GSC: variants seen among roughly 807,000 people sequenced by gnomAD.
GSC encodes the protein goosecoid homeobox, also known as homeobox protein goosecoid.
Under a neutral mutation model 24.5 loss-of-function variants are expected in GSC, and 13 were observed. That is an observed-to-expected ratio of 0.53 (90% CI 0.35 to 0.84). The LOEUF (loss-of-function observed/expected upper bound fraction) is 0.84. Ranked by LOEUF, GSC falls within the 40% of genes least tolerant of loss-of-function variation. GSC has a pLI of 0.01. For synonymous variants in GSC, 199 were observed against 182.1 expected (o/e 1.09, Z -0.75); for missense variants, 382 against 384.2 (o/e 0.99, Z 0.05).
Position 94,768,452 on chromosome 14 carries a change from C to T in GSC, c.*39G>A. 6.2e-7 allele frequency: 1 copy of T among 1,613,130 alleles called. No homozygotes were observed. The highest frequency in any genetic ancestry group is 8.5e-7 in the Non-Finnish European group (1 of 1,179,136). The stretch of plus-strand genomic sequence containing the variant: ...GCATCGTCTGTCTGTGCAAGTCCTT[C>T]GAGTTAGGTAAGTAATACGGGCAAG... On this transcript the variant is annotated 3_prime_UTR_variant, in exon 3 of 3. Transcript: ENST00000238558.
chr14:94,769,815 C>T lies in GSC; in HGVS notation c.201G>A (p.Ala67=). The T allele has an allele frequency of 7.1e-7, 1 of 1,412,674 alleles. No individual in the cohort carries two copies. Among genetic ancestry groups the T allele is most frequent in the Non-Finnish European group, 9.1e-7 (1 of 1,095,800 alleles). The allele number at this position is 1,412,674 out of a possible 1,614,324, so 87.5% of individuals were successfully genotyped here. A position where few individuals can be genotyped will look rare whatever the true frequency, so the allele number is the denominator to read the frequency against. ...FYPRPVAPGG[A]GLPAAVSGSR... ...AGCCGCTGACCGCGGCCGGGAGGCC[C>T]GCGCCGCCGGGGGCCACGGGGCGCG... Residue 67 remains alanine (A), a synonymous_variant, in exon 1 of 3, where the codon GCG becomes GCA. Coordinates refer to ENST00000238558, the MANE Select transcript of GSC (RefSeq NM_173849.3).
In GSC at chr14:94,768,513, C is replaced by T. The variant is rs1344067407; in HGVS notation, c.752G>A (p.Ser251Asn). The T allele has an allele frequency of 6.2e-7, 1 of 1,614,220 alleles. No homozygotes were observed. Among genetic ancestry groups the T allele is most frequent in the East Asian group, 2.2e-5 (1 of 44,878 alleles). The change falls in exon 3 of 3, where the codon AGC becomes AAC. Residue 251 changes from serine to asparagine, a missense_variant. Ser to Asn is a conservative substitution (Grantham distance 46). Coordinates refer to ENST00000238558, the MANE Select transcript of GSC (RefSeq NM_173849.3). Reference sequence around the variant, plus strand: ...CCGTCAGCTGTCCGAGTCCAAATCGCTTTTACCTTCCTCTTCCCTCTTCTC... The same window carrying T: ...CCGTCAGCTGTCCGAGTCCAAATCGTTTTTACCTTCCTCTTCCCTCTTCTC... ...SPEKREEEGK[S>N]DLDSDS
chr14:94,769,203 C>T lies in GSC; in HGVS notation c.370G>A (p.Gly124Ser). ...VPTPPGYEGP[G>S]SVLVSPVPHQ... ...GGTACCGGGGACACCAGCACCGAAC[C>T]GGGGCCCTCGTAGCCTGCGACAGAG... is the stretch of plus-strand genomic sequence containing the variant. The change falls in exon 2 of 3, where the codon GGT (glycine) becomes AGT (serine). Residue 124 changes from glycine to serine, a missense_variant. Coordinates refer to ENST00000238558, the MANE Select transcript of GSC (RefSeq NM_173849.3). The T allele has an allele frequency of 3.2e-6, 5 of 1,556,042 alleles. No individual in the cohort carries two copies. Among genetic ancestry groups the T allele is most frequent in the Admixed American group, 1.9e-5 (1 of 52,224 alleles).
rs1335668055 is a variant in GSC at position 94,769,197 on chromosome 14, C to T, written c.376G>A (p.Val126Met). 3.9e-6 allele frequency: 6 copies of T among 1,557,676 alleles called. No homozygotes were observed. The highest frequency in any genetic ancestry group is 5.2e-6 in the Non-Finnish European group (6 of 1,151,360). ...TGGTGCGGTACCGGGGACACCAGCA[C>T]CGAACCGGGGCCCTCGTAGCCTGCG... ...TPPGYEGPGSVLVSPVPHQML... is the reference protein window; with the variant it reads ...TPPGYEGPGSMLVSPVPHQML... Residue 126 changes from valine (V) to methionine (M), a missense_variant, in exon 2 of 3, where the codon GTG becomes ATG. Physicochemically the swap from Val to Met is conservative, Grantham distance 21. Coordinates refer to ENST00000238558, the MANE Select transcript of GSC (RefSeq NM_173849.3).
intron 2 of GSC, 26 bp downstream of exon 2, chr14:94,768,932 C>T (rs776182634): frequency 1.9e-6 from 3 of 1,565,780 alleles, no homozygotes; most frequent in African/African-American, 2.7e-5. Context: ...GACCGCTAGG[C>T]GCCCACGGCA....
At position 94,769,041 on chromosome 14, in the gene GSC, G is replaced by A. The variant is rs1169991794; in HGVS notation, c.532C>T (p.Leu178Phe). The A allele has an allele frequency of 1.3e-6, 2 of 1,596,872 alleles. No individual in the cohort carries two copies. The highest frequency in any genetic ancestry group is 1.7e-5 in the Admixed American group (1 of 57,670). ...TCCGGGTACTTGGTCTCCTGGAAGA[G>A]GTTCTCGAGAGCTTCGAGCTGCTCG... is the stretch of plus-strand genomic sequence containing the variant. ...TDEQLEALENLFQETKYPDVG... is the reference protein window; with the variant it reads ...TDEQLEALENFFQETKYPDVG... The change falls in exon 2 of 3, where the codon CTC becomes TTC. Residue 178 changes from leucine to phenylalanine, a missense_variant. Coordinates refer to ENST00000238558, the MANE Select transcript of GSC (RefSeq NM_173849.3).
Position 94,769,704 on chromosome 14 carries a change from C to T in GSC, c.312G>A (p.Pro104=). Residue 104 remains proline, a synonymous_variant, in exon 1 of 3, where the codon CCG becomes CCA. Transcript: ENST00000238558. ...PVGPACCGAV[P]PLGAQQCSCV... ...AGGAGCACTGCTGGGCGCCCAGCGG[C>T]GGCACGGCCCCGCAGCAGGCCGGGC... 14 of 1,444,956 alleles carry T rather than the reference C, an allele frequency of 9.7e-6. No individual in the cohort carries two copies. Among genetic ancestry groups the T allele is most frequent in the Non-Finnish European group, 1.1e-5 (12 of 1,107,834 alleles). The allele number at this position is 1,444,956 out of a possible 1,614,324, so 89.5% of individuals were successfully genotyped here.
rs1196608911 is a variant in GSC, at chr14:94,769,940, C to G, written c.76G>C (p.Ala26Pro). ...ACGACGGGAGCCGCCGCGCTGTGCGCCACCGGCAACACCGAGTCCTTGCAG... is the reference window on the plus strand; with the variant it reads ...ACGACGGGAGCCGCCGCGCTGTGCGGCACCGGCAACACCGAGTCCTTGCAG... ...PRCKDSVLPV[A>P]HSAAAPVVFP... The change falls in exon 1 of 3, where the codon GCG (alanine) becomes CCG (proline). Residue 26 changes from alanine (A) to proline (P), a missense_variant. Physicochemically the swap from Ala to Pro is conservative, Grantham distance 27. Transcript: ENST00000238558. 1.3e-6 allele frequency: 2 copies of G among 1,545,926 alleles called. No homozygotes were observed. The highest frequency in any genetic ancestry group is 1.7e-6 in the Non-Finnish European group (2 of 1,154,132).
Position 94,769,741 on chromosome 14 carries a change from G to A in GSC, c.275C>T (p.Ala92Val). 6.9e-7 allele frequency: 1 copy of A among 1,442,136 alleles called. No individual in the cohort carries two copies. The highest frequency in any genetic ancestry group is 9.0e-7 in the Non-Finnish European group (1 of 1,106,946). 89.3% of individuals were successfully genotyped at this position (1,442,136 alleles called of 1,614,324 possible). A position where few individuals can be genotyped will look rare whatever the true frequency, so the allele number is the denominator to read the frequency against. Residue 92 changes from alanine (A) to valine (V), a missense_variant, in exon 1 of 3, where the codon GCG becomes GTG. Physicochemically the swap from Ala to Val is moderately conservative, Grantham distance 64 (BLOSUM62 0). Transcript: ENST00000238558. The stretch of plus-strand genomic sequence containing the variant: ...GCAGCAGGCCGGGCCCACGGGCGCC[G>A]CCTGCACGTGCAGCTGCCCGTAGAA... ...NYFYGQLHVQ[A>V]APVGPACCGA...
Position 94,768,510 on chromosome 14 carries a change from T to A in GSC, c.755A>T (p.Asp252Val), listed in dbSNP as rs1885214037. Residue 252 changes from aspartate (D) to valine (V), a missense_variant, in exon 3 of 3, where the codon GAT becomes GTT. Asp to Val is a radical substitution (Grantham distance 152). Transcript: ENST00000238558. ...CGGCCGTCAGCTGTCCGAGTCCAAA[T>A]CGCTTTTACCTTCCTCTTCCCTCTT... ...PEKREEEGKS[D>V]LDSDS 1 of 1,614,060 alleles carries A rather than the reference T, an allele frequency of 6.2e-7. No individual in the cohort carries two copies. Among genetic ancestry groups the A allele is most frequent in the African/African-American group, 1.3e-5 (1 of 74,918 alleles).
chr14:94,768,778 C>T lies in GSC; in HGVS notation c.616-129G>A, dbSNP rs1885221735. 2.8e-6 allele frequency: 4 copies of T among 1,416,274 alleles called. No homozygotes were observed. The East Asian group carries it at 7.2e-5, about 25-fold the overall frequency. The allele number at this position is 1,416,274 out of a possible 1,614,324, so 87.7% of individuals were successfully genotyped here. A position where few individuals can be genotyped will look rare whatever the true frequency, so the allele number is the denominator to read the frequency against. On this transcript the variant is annotated intron_variant, in intron 2 of 2. Transcript: ENST00000238558. ...CCAACAAAAGGAGGGGAGCCGCTCGCTCCCGCTTCCGCGTTTTCATTCAAC... is the reference window on the plus strand; with the variant it reads ...CCAACAAAAGGAGGGGAGCCGCTCGTTCCCGCTTCCGCGTTTTCATTCAAC...
Position 94,769,979 on chromosome 14 carries a change from C to T in GSC, c.37G>A (p.Ala13Thr). Reference protein sequence around the residue: ...ASMFSIDNILAARPRCKDSVL... With the variant: ...ASMFSIDNILTARPRCKDSVL... ...GAGTCCTTGCAGCGCGGCCGGGCGGCTAGGATGTTGTCGATGCTGAACATG... is the reference window on the plus strand; with the variant it reads ...GAGTCCTTGCAGCGCGGCCGGGCGGTTAGGATGTTGTCGATGCTGAACATG... The change falls in exon 1 of 3, where the codon GCC (alanine) becomes ACC (threonine). Residue 13 changes from alanine to threonine, a missense_variant. Ala to Thr is a moderately conservative substitution (Grantham distance 58, BLOSUM62 0). Coordinates refer to ENST00000238558, the MANE Select transcript of GSC (RefSeq NM_173849.3). The T allele has an allele frequency of 2.6e-6, 4 of 1,559,820 alleles. No homozygotes were observed. Among genetic ancestry groups the T allele is most frequent in the Non-Finnish European group, 3.4e-6 (4 of 1,161,528 alleles).
At chr14:94,769,551 G>A (rs1885240520) in intron 1 of GSC, 110 bp downstream of exon 1, 1 of 1,364,632 alleles carries the variant, frequency 7.3e-7, no homozygotes, top group Middle Eastern at 2.7e-4. Flanking sequence ...GGCAAAAGCG[G>A]AGGGGGGAGT....
intron 1 of GSC, 89 bp downstream of exon 1, chr14:94,769,572 G>A (rs896290842): frequency 1.4e-6 from 2 of 1,395,630 alleles, no homozygotes; most frequent in Non-Finnish European, 9.3e-7. Context: ...TGCAAGAGGA[G>A]CAAAGTTTGA....
At position 94,769,615 on chromosome 14, in the gene GSC, T is replaced by C. The variant is rs1885241969; in HGVS notation, c.355+46A>G. On this transcript the variant is annotated intron_variant, in intron 1 of 2. Coordinates refer to ENST00000238558, the MANE Select transcript of GSC (RefSeq NM_173849.3). Reference sequence around the variant, plus strand: ...GAATTAACCAACCGGCTCCATGGGCTAAGGACCGCAGTGGGCGGCAGAGGC... The same window carrying C: ...GAATTAACCAACCGGCTCCATGGGCCAAGGACCGCAGTGGGCGGCAGAGGC... The C allele has an allele frequency of 4.3e-6, 6 of 1,404,126 alleles. No homozygotes were observed. The South Asian group carries it at 6.5e-5, about 15-fold the overall frequency. The allele number at this position is 1,404,126 out of a possible 1,614,324, so 87.0% of individuals were successfully genotyped here.
In GSC at chr14:94,770,059, G is replaced by A. The variant is rs1885255646; in HGVS notation, c.-44C>T. On this transcript the variant is annotated 5_prime_UTR_variant, in exon 1 of 3. Transcript: ENST00000238558. ...GACCGGGGGGCGGCGGGAACGCGCC[G>A]AGGACAGAGCCTTAAAGTGGGGGGG... The A allele has an allele frequency of 1.3e-6, 2 of 1,515,438 alleles. No homozygotes were observed. Among genetic ancestry groups the A allele is most frequent in the African/African-American group, 2.8e-5 (2 of 71,012 alleles). 93.9% of individuals were successfully genotyped at this position (1,515,438 alleles called of 1,614,324 possible). A position where few individuals can be genotyped will look rare whatever the true frequency, so the allele number is the denominator to read the frequency against.
chr14:94,769,640 C>T, intron 1 of GSC, 21 bp downstream of exon 1: 1 of 1,407,144 alleles, frequency 7.1e-7, no homozygotes, highest in Non-Finnish European at 9.2e-7. Context: ...GCGGCAGAGG[C>T]CGGAGCGAGC....
Position 94,768,313 on chromosome 14 carries a change from G to T in GSC, c.*178C>A. The T allele has an allele frequency of 1.3e-6, 1 of 766,074 alleles. No individual in the cohort carries two copies. Among genetic ancestry groups the T allele is most frequent in the Non-Finnish European group, 2.2e-6 (1 of 456,284 alleles). 47.5% of individuals were successfully genotyped at this position (766,074 alleles called of 1,614,324 possible). A position where few individuals can be genotyped will look rare whatever the true frequency, so the allele number is the denominator to read the frequency against. ...GTCGCGGGCGGCCTCGGGCTGCTGGGCTGTGCGCGCCCTGACCCCAGACGC... is the reference window on the plus strand; with the variant it reads ...GTCGCGGGCGGCCTCGGGCTGCTGGTCTGTGCGCGCCCTGACCCCAGACGC... On this transcript the variant is annotated 3_prime_UTR_variant, in exon 3 of 3. Transcript: ENST00000238558.
chr14:94,768,774 C>T (rs1391814417), intron 2 of GSC, 125 bp from the exon 3 acceptor site: 18 of 1,412,910 alleles, frequency 1.3e-5, no homozygotes, highest in Non-Finnish European at 1.7e-5. Context: ...AGGGGAGCCG[C>T]TCGCTCCCGC....
Sources: gnomAD v4.1 joint callset for allele counts on GRCh38, gnomAD v4.1.1 for gene constraint, MANE v1.5 for transcripts, NCBI Gene and HGNC (gene_info 2026-07-23, HGNC 2026-07-21) for gene names.